Variants in XKR4 observed in about 807,000 individuals in gnomAD.
The protein encoded by XKR4 is XK related 4.
Under a neutral mutation model 53.9 loss-of-function variants are expected in XKR4, and 12 were observed. The ratio of observed to expected loss-of-function variants is 0.22; its 90% CI spans 0.14 to 0.36. The LOEUF (loss-of-function observed/expected upper bound fraction) is 0.36. XKR4 is among the 10% of genes least tolerant of loss of function. The pLI, the probability that XKR4 is intolerant of heterozygous loss-of-function variation, is 1.00. For synonymous variants in XKR4, 354 were observed against 362.4 expected (o/e 0.98, Z 0.26); for missense variants, 799 against 859.5 (o/e 0.93, Z 0.88).
chr8:55,515,399 G>A (rs903251897), intron 2 of XKR4, among the ~76,000 whole-genome samples: 5 of 151,938 alleles, frequency 3.3e-5, no homozygotes, highest in African/African-American at 1.2e-4. Context: ...AGAGGTTGTC[G>A]TGTTTTTTTT....
intron 1 of XKR4, among the ~76,000 whole-genome samples, chr8:55,271,613 A>C (rs1397377118): frequency 1.3e-5 from 2 of 152,236 alleles, no homozygotes; most frequent in African/African-American, 4.8e-5. Flanking sequence ...ATAGCGGAGA[A>C]ACAAATGGCT....
At chr8:55,274,664 C>G (rs142528769) in intron 1 of XKR4, among the ~76,000 whole-genome samples, 1 of 152,142 alleles carries the variant, frequency 6.6e-6, no homozygotes, top group Non-Finnish European at 1.5e-5. Context: ...AACTCCTGGC[C>G]TCAAGTGATC....
At chr8:55,501,919 A>G (rs1160153635) in intron 2 of XKR4, among the ~76,000 whole-genome samples, 2 of 152,198 alleles carry the variant, frequency 1.3e-5, no homozygotes, top group Non-Finnish European at 2.9e-5. Flanking sequence ...CAAGTCTCTT[A>G]TATAAAATGG....
At chr8:55,447,690 G>A (rs1343879009) in intron 2 of XKR4, among the ~76,000 whole-genome samples, 1 of 152,192 alleles carries the variant, frequency 6.6e-6, no homozygotes, top group Non-Finnish European at 1.5e-5. Context: ...ATCACCAGCA[G>A]TTCTGTTAAA....
intron 2 of XKR4, among the ~76,000 whole-genome samples, chr8:55,437,211 T>C (rs536969274): frequency 1.3e-5 from 2 of 152,190 alleles, no homozygotes; most frequent in African/African-American, 4.8e-5. Context: ...TTATTCTTTT[T>C]AATTTATTTT....
intron 1 of XKR4, among the ~76,000 whole-genome samples, chr8:55,204,755 A>C (rs1817621728): frequency 6.6e-6 from 1 of 152,266 alleles, no homozygotes; most frequent in African/African-American, 2.4e-5. Flanking sequence ...ATAACTTCTC[A>C]TCCCTGAGAA....
At chr8:55,223,429 C>T (rs77790114) in intron 1 of XKR4, among the ~76,000 whole-genome samples, 15 of 152,268 alleles carry the variant, frequency 9.9e-5, no homozygotes, top group East Asian at 7.7e-4. Flanking sequence ...AATGTGACTT[C>T]GTACCCTACT....
At chr8:55,136,631 G>T (rs117926194) in intron 1 of XKR4, among the ~76,000 whole-genome samples, 3 of 152,254 alleles carry the variant, frequency 2.0e-5, no homozygotes, top group Non-Finnish European at 2.9e-5. Flanking sequence ...TATAGATTTC[G>T]ATCTTTTTTG....
chr8:55,397,876 A>G (rs1365941572), intron 2 of XKR4, among the ~76,000 whole-genome samples: 4 of 152,136 alleles, frequency 2.6e-5, no homozygotes, highest in African/African-American at 9.7e-5. Flanking sequence ...GGGAGCCTGC[A>G]GCCACTCATC....
At chr8:55,249,831 T>TTGAC (rs1818340667) in intron 1 of XKR4, among the ~76,000 whole-genome samples, 1 of 152,234 alleles carries the variant, frequency 6.6e-6, no homozygotes, top group Non-Finnish European at 1.5e-5. Context: ...CACATCCATA[T>TTGAC]TGACTACTTT....
chr8:55,134,500 G>A (rs1194550650), intron 1 of XKR4, among the ~76,000 whole-genome samples: 3 of 152,162 alleles, frequency 2.0e-5, no homozygotes, highest in Admixed American at 6.5e-5. Flanking sequence ...TGTTAACTAC[G>A]TTCATTCATG....
intron 1 of XKR4, among the ~76,000 whole-genome samples, chr8:55,348,368 G>A (rs1010052475): frequency 2.0e-5 from 3 of 152,152 alleles, no homozygotes; most frequent in Non-Finnish European, 4.4e-5. Context: ...GTGAGGGAGG[G>A]ACAGCCATCC....
At chr8:55,522,361 T>G (rs1047276558) in intron 2 of XKR4, among the ~76,000 whole-genome samples, 2 of 152,336 alleles carry the variant, frequency 1.3e-5, no homozygotes, top group South Asian at 2.1e-4. Context: ...CGGACATGTC[T>G]TCTTTTGTGG....
At chr8:55,486,040 G>A (rs1032829660) in intron 2 of XKR4, among the ~76,000 whole-genome samples, 2 of 152,128 alleles carry the variant, frequency 1.3e-5, no homozygotes, top group African/African-American at 4.8e-5. Context: ...CAGTAAAATA[G>A]ATACATATAA....
At chr8:55,264,062 C>G (rs962899517) in intron 1 of XKR4, among the ~76,000 whole-genome samples, 5 of 152,174 alleles carry the variant, frequency 3.3e-5, no homozygotes, top group Non-Finnish European at 5.9e-5. Flanking sequence ...TCCCAAATCT[C>G]CCTTGCTCAT....
intron 1 of XKR4, among the ~76,000 whole-genome samples, chr8:55,294,026 G>A (rs1819065932): frequency 6.6e-6 from 1 of 152,108 alleles, no homozygotes; most frequent in Non-Finnish European, 1.5e-5. Flanking sequence ...CCAAGACACT[G>A]GAAAACGGGA....
chr8:55,111,939 A>G (rs1816238196), intron 1 of XKR4, among the ~76,000 whole-genome samples: 1 of 152,194 alleles, frequency 6.6e-6, no homozygotes, highest in Non-Finnish European at 1.5e-5. Flanking sequence ...TATGACATCC[A>G]GGCCTATCCT....
intron 1 of XKR4, among the ~76,000 whole-genome samples, chr8:55,356,014 A>C (rs780363152): frequency 1.7e-4 from 26 of 152,230 alleles, no homozygotes; most frequent in Non-Finnish European, 3.7e-4. Flanking sequence ...TGAGAACTAC[A>C]TACTGTTATA....
Position 55,537,456 on chromosome 8 carries a change from A to G in XKR4, c.*13229A>G, listed in dbSNP as rs1807045596. The G allele has an allele frequency of 6.6e-6, 1 of 152,244 alleles. No individual in the cohort carries two copies. Among genetic ancestry groups the G allele is most frequent in the Admixed American group, 6.5e-5 (1 of 15,286 alleles). 9.4% of individuals were successfully genotyped at this position (152,244 alleles called of 1,614,324 possible). A position where few individuals can be genotyped will look rare whatever the true frequency, so the allele number is the denominator to read the frequency against. ...CTGAAGCTTAGCAGAAAAACAGACA[A>G]GCTATTCAGACCAGTTTTCTTTAAG... On this transcript the variant is annotated 3_prime_UTR_variant, in exon 3 of 3. Coordinates refer to ENST00000327381, the MANE Select transcript of XKR4 (RefSeq NM_052898.2).
Sources: gnomAD v4.1 joint callset for allele counts (sites outside exome capture counted in the v4.1 genomes callset) on GRCh38, gnomAD v4.1.1 for gene constraint, MANE v1.5 for transcripts, NCBI Gene and HGNC (gene_info 2026-07-23, HGNC 2026-07-21) for gene names.